HACD2: variants seen among roughly 807,000 people sequenced by gnomAD.
HACD2 encodes the protein 3-hydroxyacyl-CoA dehydratase 2.
In HACD2, 15 loss-of-function variants were observed where a neutral mutation model predicts 31.0. The observed-to-expected ratio is 0.48, with a 90% CI of 0.32 to 0.75. The LOEUF (loss-of-function observed/expected upper bound fraction) is 0.75. HACD2 is among the 30% of genes least tolerant of loss of function. The probability of loss-of-function intolerance (pLI) is 0.03; values close to 1 mark genes in which losing one functional copy is unlikely to be tolerated. For synonymous variants in HACD2, 115 were observed against 122.2 expected (o/e 0.94, Z 0.39); for missense variants, 283 against 313.0 (o/e 0.90, Z 0.72).
At chr3:123,557,330 T>C (rs546052693) in intron 3 of HACD2, among the ~76,000 whole-genome samples, 4 of 152,236 alleles carry the variant, frequency 2.6e-5, no homozygotes, top group Admixed American at 2.6e-4. Flanking sequence ...CCCCAGTCCA[T>C]GGAAAAAATG....
chr3:123,541,011 CTA>C (rs1415472359), intron 3 of HACD2, among the ~76,000 whole-genome samples: 1 of 152,196 alleles, frequency 6.6e-6, no homozygotes, highest in Non-Finnish European at 1.5e-5. Context: ...TGGCTCATGT[CTA>C]TAATCCCAGC....
Position 123,563,695 on chromosome 3 carries a change from G to A in HACD2, c.292+4067C>T, listed in dbSNP as rs114594689. Among the ~76,000 whole-genome samples the A allele has an allele frequency of 4.4e-3, 661 of 150,870 alleles. 4 individuals carry two copies. The highest frequency in any genetic ancestry group is 0.015 in the African/African-American group (637 of 41,186). The stretch of plus-strand genomic sequence containing the variant: ...CACACACACACTTATGGTGTACAAC[G>A]TGATGTTATGAAATATGAATATACT... On this transcript the variant is annotated intron_variant, in intron 3 of 6. Coordinates refer to ENST00000383657, the MANE Select transcript of HACD2 (RefSeq NM_198402.5).
intron 4 of HACD2, among the ~76,000 whole-genome samples, chr3:123,508,741 C>T (rs564317750): frequency 3.3e-5 from 5 of 152,080 alleles, no homozygotes; most frequent in African/African-American, 1.2e-4. Context: ...AAAAACTGTA[C>T]GTTTGTCTTA....
chr3:123,535,173 A>G (rs2056410468), intron 3 of HACD2, among the ~76,000 whole-genome samples: 2 of 152,290 alleles, frequency 1.3e-5, no homozygotes, highest in Admixed American at 1.3e-4. Flanking sequence ...AGCTCCATTC[A>G]TGGTAAGTGC....
At chr3:123,575,677 ATG>A (rs1254640690) in intron 2 of HACD2, among the ~76,000 whole-genome samples, 4 of 152,228 alleles carry the variant, frequency 2.6e-5, no homozygotes, top group African/African-American at 9.6e-5. Context: ...TGTTTTCAAA[ATG>A]TTTCCAGCTT....
chr3:123,530,569 C>T (rs1157557099), intron 3 of HACD2, among the ~76,000 whole-genome samples: 4 of 152,054 alleles, frequency 2.6e-5, no homozygotes, highest in Non-Finnish European at 4.4e-5. Flanking sequence ...CCACCATGCC[C>T]GGCTAATTTT....
chr3:123,577,966 C>T (rs1359194400), intron 2 of HACD2, among the ~76,000 whole-genome samples: 3 of 152,132 alleles, frequency 2.0e-5, no homozygotes, highest in Non-Finnish European at 4.4e-5. Flanking sequence ...GTGCACCCAC[C>T]ACCACTATTT....
At chr3:123,550,063 C>G (rs530090593) in intron 3 of HACD2, among the ~76,000 whole-genome samples, 1 of 152,252 alleles carries the variant, frequency 6.6e-6, no homozygotes, top group South Asian at 2.1e-4. Flanking sequence ...AATCCCAACA[C>G]TTTGAGAGGC....
At chr3:123,505,339 G>A (rs2055961420) in intron 4 of HACD2, among the ~76,000 whole-genome samples, 1 of 152,178 alleles carries the variant, frequency 6.6e-6, no homozygotes. Flanking sequence ...GGATGGTGAT[G>A]ATGGTTGCAC....
intron 2 of HACD2, among the ~76,000 whole-genome samples, chr3:123,568,039 T>TC (rs575247506): frequency 2.6e-5 from 4 of 152,242 alleles, no homozygotes; most frequent in Non-Finnish European, 5.9e-5. Flanking sequence ...CTCTTCCCAC[T>TC]CAGTAGCTTA....
At chr3:123,545,761 G>C (rs956395516) in intron 3 of HACD2, among the ~76,000 whole-genome samples, 5 of 150,472 alleles carry the variant, frequency 3.3e-5, no homozygotes, top group Non-Finnish European at 5.9e-5. Context: ...GCTCAGGCTG[G>C]AGTGCAGTGG....
intron 6 of HACD2, among the ~76,000 whole-genome samples, chr3:123,498,700 CAA>C (rs2055865326): frequency 6.6e-6 from 1 of 152,148 alleles, no homozygotes; most frequent in African/African-American, 2.4e-5. Context: ...TCCCTGATGC[CAA>C]AAAGGTTGTG....
chr3:123,502,775 A>G, intron 4 of HACD2, 94 bp from the exon 5 acceptor site: 1 of 1,331,892 alleles, frequency 7.5e-7, no homozygotes, highest in East Asian at 2.5e-5. Context: ...GTGAGTCGGC[A>G]CAGCCGCTGG....
At chr3:123,532,566 T>C (rs113336212) in intron 3 of HACD2, among the ~76,000 whole-genome samples, 5,219 of 152,234 alleles carry the variant, frequency 0.034, 92 homozygotes, top group Middle Eastern at 0.088. Flanking sequence ...CACAGTGGCT[T>C]ACGCCTGTAA....
intron 3 of HACD2, among the ~76,000 whole-genome samples, chr3:123,551,822 A>G (rs1251982574): frequency 6.6e-6 from 1 of 152,166 alleles, no homozygotes; most frequent in Admixed American, 6.5e-5. Flanking sequence ...AACCACCAAC[A>G]TATTTAACAA....
Position 123,503,761 on chromosome 3 carries a change from C to T in HACD2, c.382-1080G>A, listed in dbSNP as rs184486773. On this transcript the variant is annotated intron_variant, in intron 4 of 6. Transcript: ENST00000383657. ...AGAGTGGGATGTAAATAAGAAATCC[C>T]ACCCCATAAACCGAACAAATCTTGA... 1.8e-3 allele frequency among the ~76,000 whole-genome samples: 267 copies of T among 150,318 alleles called. 1 individual carries two copies. The highest frequency in any genetic ancestry group is 6.4e-3 in the African/African-American group (261 of 40,788).
intron 3 of HACD2, among the ~76,000 whole-genome samples, chr3:123,552,307 T>C (rs2056628435): frequency 6.6e-6 from 1 of 152,128 alleles, no homozygotes. Context: ...CTCTAGTGAC[T>C]GGATAGGGAA....
In HACD2 at chr3:123,539,911, TAAAAAAAAAA is replaced by T. The variant is rs71142741; in HGVS notation, c.293-11447_293-11438del. Among the ~76,000 whole-genome samples the T allele has an allele frequency of 9.8e-4, 24 of 24,482 alleles. No homozygotes were observed. The East Asian group carries it at 0.03, about 30-fold the overall frequency. 16.1% of individuals were successfully genotyped at this position (24,482 alleles called of 152,430 possible). ...AAACATGGCAAGGCCTCGTCTCTAC[TAAAAAAAAAA>T]AAAAAAAAAAAAAAAAAAAGACAGG... On this transcript the variant is annotated intron_variant, in intron 3 of 6. Coordinates refer to ENST00000383657, the MANE Select transcript of HACD2 (RefSeq NM_198402.5).
At chr3:123,558,640 C>T (rs1210125539) in intron 3 of HACD2, among the ~76,000 whole-genome samples, 1 of 152,112 alleles carries the variant, frequency 6.6e-6, no homozygotes, top group Non-Finnish European at 1.5e-5. Flanking sequence ...AAAATCCTCT[C>T]CCAAGAAAAG....
Sources: allele counts gnomAD v4.1 joint callset (sites outside exome capture counted in the v4.1 genomes callset), GRCh38; gene constraint gnomAD v4.1.1; transcripts MANE v1.5; gene names NCBI Gene and HGNC (gene_info 2026-07-23, HGNC 2026-07-21).